Variants in ZNF618 observed in about 807,000 individuals in gnomAD.
ZNF618 encodes zinc finger protein 618.
In ZNF618, 34 loss-of-function variants were observed where a neutral mutation model predicts 103.0. That is an observed-to-expected ratio of 0.33 (90% CI 0.25 to 0.44). The LOEUF is 0.44. ZNF618 is among the 20% of genes least tolerant of loss of function. ZNF618 has a pLI of 1.00. For missense variants in ZNF618, 1,059 were observed against 1,295.4 expected (o/e 0.82, Z 2.80); for synonymous variants, 551 against 542.2 (o/e 1.02, Z -0.23).
At chr9:113,896,743 A>AT (rs1332093488) in intron 1 of ZNF618, among the ~76,000 whole-genome samples, 2 of 151,872 alleles carry the variant, frequency 1.3e-5, no homozygotes, top group Non-Finnish European at 2.9e-5. Flanking sequence ...ATTTCTTTTG[A>AT]TTTTACCATT....
chr9:113,899,525 A>C (rs1325125289), intron 1 of ZNF618, among the ~76,000 whole-genome samples: 8 of 152,204 alleles, frequency 5.3e-5, no homozygotes, highest in Non-Finnish European at 1.0e-4. Context: ...TGAATTGTGC[A>C]CACGAGGGAT....
At chr9:113,924,869 C>T (rs1337536279) in intron 1 of ZNF618, among the ~76,000 whole-genome samples, 1 of 151,678 alleles carries the variant, frequency 6.6e-6, no homozygotes, top group Non-Finnish European at 1.5e-5. Flanking sequence ...GGTTTAATTC[C>T]ATTGTGATCT....
intron 9 of ZNF618, among the ~76,000 whole-genome samples, chr9:114,009,649 C>T (rs1397332465): frequency 6.6e-6 from 1 of 152,126 alleles, no homozygotes; most frequent in Non-Finnish European, 1.5e-5. Flanking sequence ...CCTTTATGGT[C>T]TCTGCTTCCT....
At chr9:113,901,370 C>G (rs1402650082) in intron 1 of ZNF618, among the ~76,000 whole-genome samples, 1 of 152,252 alleles carries the variant, frequency 6.6e-6, no homozygotes, top group African/African-American at 2.4e-5. Context: ...CTTCTCTGTG[C>G]GGACTTGGCC....
At chr9:114,020,283 A>G (rs1381546245) in intron 10 of ZNF618, among the ~76,000 whole-genome samples, 1 of 152,098 alleles carries the variant, frequency 6.6e-6, no homozygotes, top group African/African-American at 2.4e-5. Flanking sequence ...TTTTAAGACT[A>G]TTTGGCTATT....
At chr9:113,877,637 A>G (rs1228800206) in intron 1 of ZNF618, among the ~76,000 whole-genome samples, 2 of 151,268 alleles carry the variant, frequency 1.3e-5, no homozygotes, top group Admixed American at 6.6e-5. Context: ...TTTTTTCTGT[A>G]TTTGTTGGGT....
intron 4 of ZNF618, among the ~76,000 whole-genome samples, chr9:114,000,234 A>G (rs1841049034): frequency 6.6e-6 from 1 of 152,168 alleles, no homozygotes; most frequent in Non-Finnish European, 1.5e-5. Context: ...GCCGACTCAC[A>G]TGATGAACCT....
intron 1 of ZNF618, among the ~76,000 whole-genome samples, chr9:113,947,017 C>A (rs1021285554): frequency 1.3e-5 from 2 of 152,182 alleles, no homozygotes; most frequent in African/African-American, 2.4e-5. Context: ...TTGGGGACGA[C>A]ACAGACAGCA....
At chr9:113,983,374 C>T (rs990183797) in intron 2 of ZNF618, among the ~76,000 whole-genome samples, 3 of 152,184 alleles carry the variant, frequency 2.0e-5, no homozygotes, top group African/African-American at 4.8e-5. Flanking sequence ...GTTTGTAAAT[C>T]TAAAGCCTAG....
At chr9:114,035,420 C>T (rs547604752) in intron 12 of ZNF618, among the ~76,000 whole-genome samples, 25 of 152,242 alleles carry the variant, frequency 1.6e-4, no homozygotes, top group Non-Finnish European at 3.2e-4. Flanking sequence ...GCAGTTTGGA[C>T]GGGGTGGGGC....
At position 113,918,651 on chromosome 9, in the gene ZNF618, TA is replaced by T. The variant is rs576270875; in HGVS notation, c.33+42239del. The stretch of plus-strand genomic sequence containing the variant: ...ATGGGTTATAATCAATTACCATCAT[TA>T]TTTTTTTTTCTGATGCTCAAATCAT... On this transcript the variant is annotated intron_variant, in intron 1 of 14. Transcript: ENST00000374126. Among the ~76,000 whole-genome samples the T allele has an allele frequency of 2.8e-3, 430 of 152,346 alleles. 6 individuals carry two copies. The highest frequency in any genetic ancestry group is 0.01 in the African/African-American group (417 of 41,580).
intron 1 of ZNF618, among the ~76,000 whole-genome samples, chr9:113,885,596 A>C (rs1434970777): frequency 6.6e-6 from 1 of 152,140 alleles, no homozygotes; most frequent in Non-Finnish European, 1.5e-5. Context: ...CCCCAGCCTC[A>C]TCCTGTTTCA....
chr9:114,045,721 T>C (rs138052325), intron 13 of ZNF618, among the ~76,000 whole-genome samples: 341 of 152,160 alleles, frequency 2.2e-3, no homozygotes, highest in African/African-American at 8.0e-3. Flanking sequence ...CATATGAATT[T>C]CAGGATCAGC....
rs1836623342 is a variant in ZNF618 at position 113,959,302 on chromosome 9, G to A, written c.34-9815G>A. On this transcript the variant is annotated intron_variant, in intron 1 of 14. Coordinates refer to ENST00000374126, the MANE Select transcript of ZNF618 (RefSeq NM_001318042.2). The stretch of plus-strand genomic sequence containing the variant: ...AACTCTGTCTCAAAAAAAAAAAAGT[G>A]TTTTAAAAAATAAAAACAACACCTC... 2.0e-5 allele frequency among the ~76,000 whole-genome samples: 3 copies of A among 151,828 alleles called. No homozygotes were observed. The South Asian group carries it at 6.2e-4, about 32-fold the overall frequency.
chr9:114,012,291 G>A (rs747307049), intron 9 of ZNF618, among the ~76,000 whole-genome samples: 7 of 152,194 alleles, frequency 4.6e-5, no homozygotes, highest in East Asian at 1.9e-4. Flanking sequence ...CCAGCATGGC[G>A]GGTTTCTGTT....
Position 113,876,403 on chromosome 9 carries a change from C to T in ZNF618, c.23C>T (p.Ala8Val). The change falls in exon 1 of 15, where the codon GCG becomes GTG. Residue 8 changes from alanine (A) to valine (V), a missense_variant. Around this residue, in one of 6 missense-constraint regions of ZNF618, gnomAD observed 194 missense variants for 209.0 expected, o/e 0.93. Coordinates refer to ENST00000374126, the MANE Select transcript of ZNF618 (RefSeq NM_001318042.2). MNQPGGA[A>V]APQADGASAA... ...CCCATGAACCAGCCGGGCGGCGCGGCGGCTCCGCAGGTACGACGGGGGGCC... is the reference window on the plus strand; with the variant it reads ...CCCATGAACCAGCCGGGCGGCGCGGTGGCTCCGCAGGTACGACGGGGGGCC... The T allele has an allele frequency of 1.1e-5, 13 of 1,200,846 alleles. No individual in the cohort carries two copies. Among genetic ancestry groups the T allele is most frequent in the Non-Finnish European group, 1.3e-5 (13 of 968,334 alleles). The allele number at this position is 1,200,846 out of a possible 1,614,324, so 74.4% of individuals were successfully genotyped here. A position where few individuals can be genotyped will look rare whatever the true frequency, so the allele number is the denominator to read the frequency against.
chr9:113,921,304 A>G (rs920580927), intron 1 of ZNF618, among the ~76,000 whole-genome samples: 3 of 152,204 alleles, frequency 2.0e-5, no homozygotes, highest in African/African-American at 7.2e-5. Context: ...GACTTCAGAG[A>G]GAATGAGTGC....
intron 9 of ZNF618, among the ~76,000 whole-genome samples, chr9:114,011,621 C>T (rs1237039228): frequency 6.6e-6 from 1 of 152,294 alleles, no homozygotes; most frequent in Middle Eastern, 3.4e-3. Context: ...ACGCGAAAAA[C>T]GATTAGCCAG....
chr9:114,001,967 G>T, intron 4 of ZNF618, 29 bp from the exon 5 acceptor site: 2 of 1,604,260 alleles, frequency 1.2e-6, no homozygotes, highest in South Asian at 2.2e-5. Context: ...GAGGTTGGGT[G>T]ACCAGTCCTT....
Sources: gnomAD v4.1 joint callset for allele counts (sites outside exome capture counted in the v4.1 genomes callset) on GRCh38, gnomAD v4.1.1 for gene constraint, gnomAD v4.1.1 regional missense constraint, MANE v1.5 for transcripts, NCBI Gene and HGNC (gene_info 2026-07-23, HGNC 2026-07-21) for gene names.